Variants in COL18A1 observed in about 807,000 individuals in gnomAD.
COL18A1 encodes the protein collagen alpha-1(XVIII) chain.
Under a neutral mutation model 168.0 loss-of-function variants are expected in COL18A1, and 133 were observed. The ratio of observed to expected loss-of-function variants is 0.79; its 90% CI spans 0.69 to 0.91. The LOEUF is 0.91. COL18A1 is among the 40% of genes least tolerant of loss of function. The probability of loss-of-function intolerance (pLI) is 0.00; values close to 1 mark genes in which losing one functional copy is unlikely to be tolerated. For missense variants in COL18A1, 2,126 were observed against 1,925.4 expected (o/e 1.10, Z -1.95); for synonymous variants, 949 against 809.0 (o/e 1.17, Z -2.94).
intron 2 of COL18A1, among the ~76,000 whole-genome samples, chr21:45,438,154 A>T (rs796734734): frequency 8.2e-6 from 1 of 121,340 alleles, no homozygotes; most frequent in Admixed American, 7.9e-5. Context: ...ACTCAGACAC[A>T]GGCACTCTCC....
intron 27 of COL18A1, 42 bp downstream of exon 27, chr21:45,494,613 G>A (rs753304837): frequency 6.2e-7 from 1 of 1,612,488 alleles, no homozygotes; most frequent in Non-Finnish European, 8.5e-7. Context: ...GCTCGGGCAT[G>A]ACGGCCCCCA....
At chr21:45,484,398 TACAC>T (rs72103454) in intron 15 of COL18A1, among the ~76,000 whole-genome samples, 3,883 of 127,742 alleles carry the variant, frequency 0.03, 218 homozygotes, top group African/African-American at 0.11. Flanking sequence ...AGCATGTGTG[TACAC>T]ACACACACAC....
intron 37 of COL18A1, 164 bp downstream of exon 37, chr21:45,506,130 T>A: frequency 8.9e-7 from 1 of 1,121,648 alleles, no homozygotes; most frequent in Non-Finnish European, 1.3e-6. Context: ...AAAATACTTT[T>A]GTGAGCAGTT....
intron 2 of COL18A1, among the ~76,000 whole-genome samples, chr21:45,429,128 T>C (rs969346747): frequency 5.3e-5 from 8 of 152,100 alleles, no homozygotes; most frequent in East Asian, 1.9e-4. Context: ...GTCTCGATCT[T>C]CCGACCTTGT....
intron 5 of COL18A1, among the ~76,000 whole-genome samples, 186 bp downstream of exon 5, chr21:45,475,721 C>T (rs1216757607): frequency 1.3e-5 from 2 of 151,602 alleles, no homozygotes; most frequent in African/African-American, 2.4e-5. Flanking sequence ...GCACAGGCCC[C>T]GCTCCGGCCC....
At position 45,443,819 on chromosome 21, in the gene COL18A1, T is replaced by C. The variant is rs1199598312; in HGVS notation, c.107-24423T>C. On this transcript the variant is annotated intron_variant, in intron 2 of 41. Transcript: ENST00000651438. The surrounding 1 kb of genome is among the most constrained non-coding windows in gnomAD (Gnocchi z 5.2). Reference sequence around the variant, plus strand: ...GAGAGGAATAGCTGAGCTGCAGCACTAAGGAGAGATGCCTGCTGCATGATC... The same window carrying C: ...GAGAGGAATAGCTGAGCTGCAGCACCAAGGAGAGATGCCTGCTGCATGATC... Among the ~76,000 whole-genome samples the C allele has an allele frequency of 6.6e-6, 1 of 152,178 alleles. No individual in the cohort carries two copies. The highest frequency in any genetic ancestry group is 1.5e-5 in the Non-Finnish European group (1 of 68,022).
intron 22 of COL18A1, among the ~76,000 whole-genome samples, chr21:45,492,201 T>C (rs1420700174): frequency 1.3e-5 from 2 of 152,152 alleles, no homozygotes; most frequent in African/African-American, 4.8e-5. Flanking sequence ...GACCTCGGCG[T>C]GACGGTCAAG....
At chr21:45,508,356 G>C (rs548274073) in intron 38 of COL18A1, among the ~76,000 whole-genome samples, 170 of 151,780 alleles carry the variant, frequency 1.1e-3, no homozygotes, top group Non-Finnish European at 2.0e-3. Flanking sequence ...GTGGACAAGT[G>C]GGTGAGTGGA....
At chr21:45,475,129 G>A (rs374562059) in intron 4 of COL18A1, among the ~76,000 whole-genome samples, 2 of 152,228 alleles carry the variant, frequency 1.3e-5, no homozygotes, top group Non-Finnish European at 2.9e-5. Context: ...AAACCTGTGC[G>A]GGGAGCATCT....
rs2037488040 is a variant in COL18A1, at chr21:45,510,088, C to T, written c.3520C>T (p.Pro1174Ser). 2 of 1,584,054 alleles carry T rather than the reference C, an allele frequency of 1.3e-6. No homozygotes were observed. Among genetic ancestry groups the T allele is most frequent in the Non-Finnish European group, 8.6e-7 (1 of 1,168,662 alleles). ...GCTCCACCTGGTTGCGCTCAACAGC[C>T]CCCTGTCAGGCGGCATGCGGGGCAT... ...PVLHLVALNS[P>S]LSGGMRGIRG... Residue 1174 changes from proline to serine, a missense_variant, in exon 40 of 42, where the codon CCC (proline) becomes TCC (serine). Coordinates refer to ENST00000651438, the MANE Select transcript of COL18A1 (RefSeq NM_001379500.1).
At chr21:45,458,171 G>A (rs1240426619) in intron 2 of COL18A1, among the ~76,000 whole-genome samples, 3 of 150,680 alleles carry the variant, frequency 2.0e-5, no homozygotes, top group African/African-American at 7.3e-5. Context: ...CAGGAACTGC[G>A]CTGGGGGGGC....
rs867129226 is a variant in COL18A1, at chr21:45,455,853, C to T, written c.107-12389C>T. ...CCGGACGCGCCAGAGGAGAACATTG[C>T]CGGTGTCGGAGCCGAGATCCTGAAC... On this transcript the variant is annotated intron_variant, in intron 2 of 41. Transcript: ENST00000651438. The T allele has an allele frequency of 1.9e-6, 3 of 1,613,156 alleles. No individual in the cohort carries two copies. The African/African-American group carries it at 4.0e-5, about 21-fold the overall frequency.
chr21:45,466,610 G>T (rs73386859), intron 2 of COL18A1, among the ~76,000 whole-genome samples: 8,710 of 152,306 alleles, frequency 0.057, 282 homozygotes, highest in African/African-American at 0.076. Context: ...TGCCCATCCA[G>T]CATCTTAGGG....
intron 2 of COL18A1, among the ~76,000 whole-genome samples, chr21:45,450,270 G>T (rs2034591959): frequency 2.0e-5 from 3 of 152,192 alleles, no homozygotes; most frequent in African/African-American, 4.8e-5. Flanking sequence ...GACAAGCTCA[G>T]GGAATGAAGA....
intron 4 of COL18A1, 48 bp from the exon 5 acceptor site, chr21:45,475,428 C>G: frequency 1.3e-6 from 2 of 1,532,492 alleles, no homozygotes. Flanking sequence ...GGCTCGGGGC[C>G]TGGCCTGGCT....
chr21:45,482,706 G>A, intron 14 of COL18A1, 89 bp from the exon 15 acceptor site: 1 of 1,598,328 alleles, frequency 6.3e-7, no homozygotes, highest in Non-Finnish European at 8.6e-7. Flanking sequence ...ACCCGGGTCG[G>A]GGCACAGTTC....
At chr21:45,510,022 G>A (rs758518785) in intron 39 of COL18A1, 42 bp from the exon 40 acceptor site, 34 of 1,533,186 alleles carry the variant, frequency 2.2e-5, no homozygotes, top group Non-Finnish European at 2.8e-5. Context: ...GGTGCAGGGG[G>A]CAGCGTGGGA....
rs1568883016 is a variant in COL18A1 at position 45,457,598 on chromosome 21, G to C, written c.107-10644G>C. Among the ~76,000 whole-genome samples the C allele has an allele frequency of 6.6e-6, 1 of 152,186 alleles. No individual in the cohort carries two copies. Among genetic ancestry groups the C allele is most frequent in the Non-Finnish European group, 1.5e-5 (1 of 68,028 alleles). On this transcript the variant is annotated intron_variant, in intron 2 of 41. Coordinates refer to ENST00000651438, the MANE Select transcript of COL18A1 (RefSeq NM_001379500.1). This position sits in a 1 kb window ranked among gnomAD's most constrained non-coding sequence, Gnocchi z 4.6. ...GGACTCTTTAACCTCCTGGGGGCAGGGGCAGCCCAGAAAGGACCCCAGCAG... is the reference window on the plus strand; with the variant it reads ...GGACTCTTTAACCTCCTGGGGGCAGCGGCAGCCCAGAAAGGACCCCAGCAG...
rs17004777 is a variant in COL18A1 at position 45,473,730 on chromosome 21, T to C, written c.652-165T>C. ...GCCCCTGGGTCTCACCACTTCTTCC[T>C]ACCATGAGGCATACCGCACCCCCAG... is the stretch of plus-strand genomic sequence containing the variant. On this transcript the variant is annotated intron_variant, in intron 3 of 41. Coordinates refer to ENST00000651438, the MANE Select transcript of COL18A1 (RefSeq NM_001379500.1). The surrounding 1 kb of genome is among the most constrained non-coding windows in gnomAD (Gnocchi z 4.0). Among the ~76,000 whole-genome samples, 1,603 of 152,198 alleles carry C rather than the reference T, an allele frequency of 0.011. 26 individuals carry two copies. Among genetic ancestry groups the C allele is most frequent in the African/African-American group, 0.037 (1,528 of 41,520 alleles).
Sources: gnomAD v4.1 joint callset for allele counts (sites outside exome capture counted in the v4.1 genomes callset) on GRCh38, gnomAD v4.1.1 for gene constraint, Gnocchi (gnomAD v3.1) non-coding constraint, MANE v1.5 for transcripts, NCBI Gene and HGNC (gene_info 2026-07-23, HGNC 2026-07-21) for gene names.